FOXP1: variants seen among roughly 807,000 people sequenced by gnomAD.
The protein encoded by FOXP1 is forkhead box P1, also known as forkhead box protein P1.
A neutral mutation model predicts 98.2 loss-of-function variants in FOXP1; 15 were observed. The ratio of observed to expected loss-of-function variants is 0.15; its 90% confidence interval spans 0.10 to 0.24. The LOEUF is 0.24. Ranked by LOEUF, FOXP1 falls within the 10% of genes least tolerant of loss-of-function variation. FOXP1 has a pLI of 1.00. For missense variants in FOXP1, 633 were observed against 848.5 expected, an observed-to-expected ratio of 0.75 and a Z score of 3.15; for synonymous variants, 371 against 314.5, an observed-to-expected ratio of 1.18 and a Z score of -1.90.
rs568449430 is a variant in FOXP1 at position 71,128,643 on chromosome 3, C to T, written c.181-16006G>A. On this transcript the variant is annotated intron_variant, in intron 6 of 20. Transcript: ENST00000649528. ...CATCAGAATATAGCCTTCGACAAAA[C>T]GGTAAGAGTCACTGGTTTGTCCAAT... is the stretch of plus-strand genomic sequence containing the variant. Among the ~76,000 whole-genome samples the T allele has an allele frequency of 5.9e-4, 90 of 152,192 alleles. 1 individual carries two copies. Among genetic ancestry groups the T allele is most frequent in the South Asian group, 5.0e-3 (24 of 4,826 alleles).
chr3:71,323,990 G>A (rs566550424), intron 4 of FOXP1, among the ~76,000 whole-genome samples: 23 of 152,056 alleles, frequency 1.5e-4, no homozygotes, highest in Non-Finnish European at 3.4e-4. Context: ...ATTAGAATTA[G>A]ATACTACCAT....
intron 3 of FOXP1, among the ~76,000 whole-genome samples, chr3:71,457,699 G>C (rs761061968): frequency 2.0e-5 from 3 of 152,172 alleles, no homozygotes; most frequent in Non-Finnish European, 4.4e-5. Flanking sequence ...AAAAATACTA[G>C]GGGAAAGGGC....
chr3:71,099,199 A>G (rs1236411558), intron 7 of FOXP1, among the ~76,000 whole-genome samples: 2 of 152,198 alleles, frequency 1.3e-5, no homozygotes. Context: ...GGAATTTACT[A>G]GGTTATTTTC....
intron 5 of FOXP1, among the ~76,000 whole-genome samples, chr3:71,257,167 C>T (rs1345773233): frequency 2.0e-5 from 3 of 152,142 alleles, no homozygotes; most frequent in African/African-American, 4.8e-5. Context: ...GTTATGGGTG[C>T]TCCTAAATTA....
intron 3 of FOXP1, among the ~76,000 whole-genome samples, chr3:71,397,016 A>ATACATATATATGTG (rs2081500818): frequency 1.2e-5 from 1 of 83,472 alleles, no homozygotes; most frequent in South Asian, 3.7e-4. Flanking sequence ...GTGTATATAT[A>ATACATATATATGTG]TATATATACA....
In FOXP1 at chr3:71,232,877, C is replaced by CAAAAAAAAAAAAAAAAAAAAAAAAAA. The variant is rs59404230; in HGVS notation, c.-11-34486_-11-34485insTTTTTTTTTTTTTTTTTTTTTTTTTT. Among the ~76,000 whole-genome samples the CAAAAAAAAAAAAAAAAAAAAAAAAAA allele has an allele frequency of 8.9e-4, 28 of 31,402 alleles. 2 individuals are homozygous for CAAAAAAAAAAAAAAAAAAAAAAAAAA. The highest frequency in any genetic ancestry group is 1.0e-3 in the Non-Finnish European group (17 of 16,960). 20.6% of individuals were successfully genotyped at this position (31,402 alleles called of 152,430 possible). ...CGTGCCACAGAGCAAAACTCTGTCTCAAAAAAAAAAAAAAAAAAAGCAAGA... is the reference window on the plus strand; with the variant it reads ...CGTGCCACAGAGCAAAACTCTGTCTCAAAAAAAAAAAAAAAAAAAAAAAAAAAAAAAAAAAAAAAAAAAAAGCAAGA... On this transcript the variant is annotated intron_variant, in intron 5 of 20. Coordinates refer to ENST00000649528, the MANE Select transcript of FOXP1 (RefSeq NM_001349338.3).
chr3:71,331,385 G>T (rs368056364), intron 4 of FOXP1, among the ~76,000 whole-genome samples: 1 of 72,914 alleles, frequency 1.4e-5, no homozygotes, highest in Non-Finnish European at 3.0e-5. Context: ...CCCACCCCCC[G>T]CCATGGGCTC....
At chr3:71,080,215 T>C (rs1044652127) in intron 7 of FOXP1, among the ~76,000 whole-genome samples, 12 of 152,208 alleles carry the variant, frequency 7.9e-5, no homozygotes, top group Non-Finnish European at 1.5e-4. Context: ...AAATCAAAAG[T>C]GTCTAAACAG....
chr3:71,130,358 G>A, intron 6 of FOXP1: 1 of 756,536 alleles, frequency 1.3e-6, no homozygotes, highest in Non-Finnish European at 2.2e-6. Flanking sequence ...ATGGAGAGAG[G>A]AGGGAAGGGG....
At chr3:71,159,425 T>C (rs945346172) in intron 6 of FOXP1, among the ~76,000 whole-genome samples, 5 of 152,176 alleles carry the variant, frequency 3.3e-5, no homozygotes, top group African/African-American at 1.2e-4. Context: ...AGTTATTTTC[T>C]ATAACAAGAG....
intron 2 of FOXP1, among the ~76,000 whole-genome samples, chr3:71,532,128 C>A (rs1433402790): frequency 1.3e-5 from 2 of 152,184 alleles, no homozygotes; most frequent in Non-Finnish European, 2.9e-5. Flanking sequence ...GAGACAGGGT[C>A]TCACTGTGTT....
intron 6 of FOXP1, among the ~76,000 whole-genome samples, chr3:71,164,689 C>T (rs2061319959): frequency 6.6e-6 from 1 of 152,200 alleles, no homozygotes. Context: ...CTAATCTCTT[C>T]ACGTGTACAC....
chr3:71,300,583 C>T (rs1248396554), intron 4 of FOXP1, among the ~76,000 whole-genome samples: 7 of 152,154 alleles, frequency 4.6e-5, no homozygotes, highest in African/African-American at 1.4e-4. Flanking sequence ...TGCATACTCC[C>T]GTATGCAAAA....
intron 3 of FOXP1, among the ~76,000 whole-genome samples, chr3:71,400,912 G>A (rs1192119159): frequency 6.6e-6 from 1 of 152,098 alleles, no homozygotes; most frequent in Non-Finnish European, 1.5e-5. Context: ...GAGGCTTCAG[G>A]AGAACACATA....
chr3:71,182,063 A>ATT (rs2108286267), intron 6 of FOXP1, among the ~76,000 whole-genome samples: 1 of 151,904 alleles, frequency 6.6e-6, no homozygotes, highest in African/African-American at 2.4e-5. Context: ...AAAAAAAAAG[A>ATT]AAAAGAAAAC....
chr3:71,509,987 T>G (rs1182426549), intron 2 of FOXP1, among the ~76,000 whole-genome samples: 1 of 151,942 alleles, frequency 6.6e-6, no homozygotes, highest in Non-Finnish European at 1.5e-5. Flanking sequence ...GAGACCAGCC[T>G]GGCCAACATG....
intron 5 of FOXP1, among the ~76,000 whole-genome samples, chr3:71,214,506 C>T (rs910107259): frequency 6.6e-6 from 1 of 152,244 alleles, no homozygotes; most frequent in East Asian, 1.9e-4. Flanking sequence ...AACTAAACAC[C>T]CAAAGAAACT....
intron 4 of FOXP1, among the ~76,000 whole-genome samples, chr3:71,331,174 G>A (rs2076272037): frequency 6.6e-6 from 1 of 152,224 alleles, no homozygotes; most frequent in South Asian, 2.1e-4. Context: ...CAGGGTGCTT[G>A]TGGGCCAGCG....
intron 2 of FOXP1, among the ~76,000 whole-genome samples, chr3:71,580,002 T>A (rs1449493897): frequency 6.6e-6 from 1 of 152,010 alleles, no homozygotes; most frequent in Admixed American, 6.5e-5. Context: ...TCTGCAATGG[T>A]CCATTTCTGC....
Sources: gnomAD v4.1 joint callset for allele counts (sites outside exome capture counted in the v4.1 genomes callset) on GRCh38, gnomAD v4.1.1 for gene constraint, MANE v1.5 for transcripts, NCBI Gene and HGNC (gene_info 2026-07-23, HGNC 2026-07-21) for gene names.